VAV2: variants seen among roughly 807,000 people sequenced by gnomAD.
VAV2 encodes vav guanine nucleotide exchange factor 2, also known as guanine nucleotide exchange factor VAV2.
In VAV2, 67 loss-of-function variants were observed where a neutral mutation model predicts 132.5. That is an observed-to-expected ratio of 0.51 (90% CI 0.42 to 0.62). The LOEUF (loss-of-function observed/expected upper bound fraction) is 0.62. Ranked by LOEUF, VAV2 falls within the 20% of genes least tolerant of loss-of-function variation. The probability of loss-of-function intolerance (pLI) is 0.00; values close to 1 mark genes in which losing one functional copy is unlikely to be tolerated. For missense variants in VAV2, 938 were observed against 1,153.6 expected, an observed-to-expected ratio of 0.81 and a Z score of 2.71; for synonymous variants, 492 against 443.5, an observed-to-expected ratio of 1.11 and a Z score of -1.37.
chr9:133,780,701 G>A lies in VAV2; in HGVS notation c.1733C>T (p.Ala578Val), dbSNP rs1310708370. 3.1e-6 allele frequency: 4 copies of A among 1,272,640 alleles called. No individual in the cohort carries two copies. The highest frequency in any genetic ancestry group is 4.2e-5 in the Admixed American group (1 of 23,828). 78.8% of individuals were successfully genotyped at this position (1,272,640 alleles called of 1,614,324 possible). Residue 578 changes from alanine to valine, a missense_variant, in exon 20 of 30, where the codon GCA (alanine) becomes GTA (valine). Coordinates refer to ENST00000371850, the MANE Select transcript of VAV2 (RefSeq NM_001134398.2). ...AACACTCTGGGGACTTACCAGATCTGCAGGAGAAGCTGGAAAGGAAGCAGG... is the reference window on the plus strand; with the variant it reads ...AACACTCTGGGGACTTACCAGATCTACAGGAGAAGCTGGAAAGGAAGCAGG... ...VIPPCKFTSP[A>V]DLDASGAGPG...
intron 17 of VAV2, among the ~76,000 whole-genome samples, 185 bp downstream of exon 17, chr9:133,785,591 A>G (rs1458728909): frequency 6.6e-6 from 1 of 152,164 alleles, no homozygotes; most frequent in Admixed American, 6.5e-5. Context: ...CTGATTGTTA[A>G]AGAGGATGTC....
In VAV2 at chr9:133,903,521, T is replaced by G. The variant is rs965900280; in HGVS notation, c.321+35582A>C. On this transcript the variant is annotated intron_variant, in intron 2 of 29. Transcript: ENST00000371850. ...CATCACCTGCCAGTCAGGAGAGGTT[T>G]TGTATCACTTAGAAAATATGGGGGT... 3.3e-5 allele frequency among the ~76,000 whole-genome samples: 5 copies of G among 152,138 alleles called. No homozygotes were observed. The East Asian group carries it at 7.7e-4, about 23-fold the overall frequency.
At chr9:133,876,368 G>A (rs1676093876) in intron 2 of VAV2, among the ~76,000 whole-genome samples, 1 of 152,258 alleles carries the variant, frequency 6.6e-6, no homozygotes, top group South Asian at 2.1e-4. Flanking sequence ...GTGGAGACAA[G>A]AGTGGTAGGG....
At chr9:133,932,238 C>T (rs1840713413) in intron 2 of VAV2, among the ~76,000 whole-genome samples, 1 of 152,202 alleles carries the variant, frequency 6.6e-6, no homozygotes, top group African/African-American at 2.4e-5. Context: ...CTGGACAAAC[C>T]GCCCAGACAC....
At chr9:133,886,205 G>A (rs1473677587) in intron 2 of VAV2, among the ~76,000 whole-genome samples, 1 of 152,150 alleles carries the variant, frequency 6.6e-6, no homozygotes, top group Non-Finnish European at 1.5e-5. Context: ...CTGCAGGTGG[G>A]AAAGCTCCGC....
intron 1 of VAV2, among the ~76,000 whole-genome samples, chr9:133,960,949 G>A (rs2132222294): frequency 6.6e-6 from 1 of 152,368 alleles, no homozygotes; most frequent in Middle Eastern, 3.4e-3. Flanking sequence ...CAGGAGGATG[G>A]TGAGCACAGA....
intron 22 of VAV2, 57 bp downstream of exon 22, chr9:133,778,705 G>A (rs1833900046): frequency 1.6e-5 from 25 of 1,596,496 alleles, no homozygotes; most frequent in Non-Finnish European, 2.1e-5. Flanking sequence ...TCTGCCCCAG[G>A]GAGCAGGGAG....
chr9:133,854,088 C>T (rs1019268818), intron 3 of VAV2, among the ~76,000 whole-genome samples: 1 of 151,358 alleles, frequency 6.6e-6, no homozygotes, highest in East Asian at 1.9e-4. Context: ...CACATACACC[C>T]CCATCTGCAC....
At chr9:133,783,021 G>A (rs550364005) in intron 19 of VAV2, among the ~76,000 whole-genome samples, 7 of 152,302 alleles carry the variant, frequency 4.6e-5, no homozygotes, top group Middle Eastern at 3.4e-3. Context: ...TGAACAGAAG[G>A]GAACCACTGT....
chr9:133,858,165 C>T (rs1318074366), intron 3 of VAV2, among the ~76,000 whole-genome samples: 1 of 152,170 alleles, frequency 6.6e-6, no homozygotes, highest in South Asian at 2.1e-4. Flanking sequence ...CGGATAAGAG[C>T]GTCTTTGTAT....
At chr9:133,838,275 ACTTGATCAGT>A (rs1836550111) in intron 3 of VAV2, among the ~76,000 whole-genome samples, 1 of 151,680 alleles carries the variant, frequency 6.6e-6, no homozygotes, top group African/African-American at 2.4e-5. Context: ...ATGTGGGAAG[ACTTGATCAGT>A]CTCTCAGCTT....
rs1023460149 is a variant in VAV2, at chr9:133,884,724, T to C, written c.322-23292A>G. On this transcript the variant is annotated intron_variant, in intron 2 of 29. Coordinates refer to ENST00000371850, the MANE Select transcript of VAV2 (RefSeq NM_001134398.2). The surrounding 1 kb of genome is among the most constrained non-coding windows in gnomAD (Gnocchi z 5.3). ...AAAAATGTTTTAACTCCAAAGATTT[T>C]TAATTAGCTTTATTCACTCAAAACA... Among the ~76,000 whole-genome samples, 6 of 152,340 alleles carry C rather than the reference T, an allele frequency of 3.9e-5. No individual in the cohort carries two copies. The highest frequency in any genetic ancestry group is 7.3e-5 in the Non-Finnish European group (5 of 68,038).
chr9:133,891,927 G>A (rs1382254213), intron 2 of VAV2, among the ~76,000 whole-genome samples: 2 of 137,688 alleles, frequency 1.5e-5, no homozygotes, highest in Non-Finnish European at 3.2e-5. Flanking sequence ...GAGAATGGAG[G>A]AGAGGGGTAA....
In VAV2 at chr9:133,777,434, C is replaced by T. The variant is rs781688097; in HGVS notation, c.1920G>A (p.Gly640=). The change falls in exon 23 of 30, where the codon GGG becomes GGA. Residue 640 remains glycine (G), a synonymous_variant. Coordinates refer to ENST00000371850, the MANE Select transcript of VAV2 (RefSeq NM_001134398.2). ...GCTTCACAGATGAGCTGGGGAAATACCCTGACTTCCTGGTTTGTACCAGAC... is the reference window on the plus strand; with the variant it reads ...GCTTCACAGATGAGCTGGGGAAATATCCTGACTTCCTGGTTTGTACCAGAC... ...EGRLVQTRKS[G]YFPSSSVKPC... 3.1e-6 allele frequency: 5 copies of T among 1,613,752 alleles called. No individual in the cohort carries two copies. Among genetic ancestry groups the T allele is most frequent in the East Asian group, 4.5e-5 (2 of 44,882 alleles).
At chr9:133,812,073 G>A (rs752749701) in intron 5 of VAV2, 41 bp downstream of exon 5, 3 of 1,586,570 alleles carry the variant, frequency 1.9e-6, no homozygotes, top group Admixed American at 1.7e-5. Context: ...GCTCTGCGAG[G>A]GAAGGGAGGG....
intron 1 of VAV2, among the ~76,000 whole-genome samples, chr9:133,944,557 C>G (rs529732061): frequency 6.6e-6 from 1 of 152,354 alleles, no homozygotes; most frequent in Admixed American, 6.5e-5. Flanking sequence ...TCACTCACCA[C>G]CTGCAGAGCC....
At chr9:133,808,186 C>T (rs942424852) in intron 7 of VAV2, among the ~76,000 whole-genome samples, 5 of 152,188 alleles carry the variant, frequency 3.3e-5, no homozygotes, top group African/African-American at 1.2e-4. Context: ...GAAGCCAGGG[C>T]ATGGGCAGGG....
At chr9:133,965,677 A>C (rs1284806365) in intron 1 of VAV2, among the ~76,000 whole-genome samples, 1 of 152,226 alleles carries the variant, frequency 6.6e-6, no homozygotes, top group Non-Finnish European at 1.5e-5. Context: ...ATGCATTCGA[A>C]GAATTAATAA....
rs1201623557 is a variant in VAV2, at chr9:133,794,825, A to G, written c.1101+843T>C. Among the ~76,000 whole-genome samples, 3 of 152,172 alleles carry G rather than the reference A, an allele frequency of 2.0e-5. No homozygotes were observed. The highest frequency in any genetic ancestry group is 2.1e-4 in the South Asian group (1 of 4,830). Reference sequence around the variant, plus strand: ...TGACACATGCCTGGCTGGGAAGGAGATGGCACGAACAAGTGTGTCCAGGAG... The same window carrying G: ...TGACACATGCCTGGCTGGGAAGGAGGTGGCACGAACAAGTGTGTCCAGGAG... On this transcript the variant is annotated intron_variant, in intron 12 of 29. Transcript: ENST00000371850. The surrounding 1 kb of genome is among the most constrained non-coding windows in gnomAD (Gnocchi z 4.6).
Sources: gnomAD v4.1 joint callset for allele counts (sites outside exome capture counted in the v4.1 genomes callset) on GRCh38, gnomAD v4.1.1 for gene constraint, Gnocchi (gnomAD v3.1) non-coding constraint, MANE v1.5 for transcripts, NCBI Gene and HGNC (gene_info 2026-07-23, HGNC 2026-07-21) for gene names.